The following BCL7A variants were observed in gnomAD, a reference collection of about 807,000 sequenced individuals.
BCL7A encodes the protein B-cell CLL/lymphoma 7 protein family member A.
In BCL7A, 11 loss-of-function variants were observed where a neutral mutation model predicts 28.4. The observed-to-expected ratio is 0.39, with a 90% CI of 0.24 to 0.64. The LOEUF (loss-of-function observed/expected upper bound fraction) is 0.64, where lower values mean the gene tolerates loss of function less well. Ranked by LOEUF, BCL7A falls within the 30% of genes least tolerant of loss-of-function variation. The pLI, the probability that BCL7A is intolerant of heterozygous loss-of-function variation, is 0.50. For missense variants in BCL7A, 222 were observed against 274.8 expected (o/e 0.81, Z 1.36); for synonymous variants, 123 against 103.3 (o/e 1.19, Z -1.15).
intron 3 of BCL7A, among the ~76,000 whole-genome samples, chr12:122,039,319 A>AATAAT (rs1565938392): frequency 6.8e-6 from 1 of 147,312 alleles, no homozygotes; most frequent in African/African-American, 2.5e-5. Flanking sequence ...TTAAAAAAAA[A>AATAAT]AATAATAATA....
chr12:122,047,799 T>G (rs1884107069), intron 4 of BCL7A, among the ~76,000 whole-genome samples: 1 of 151,748 alleles, frequency 6.6e-6, no homozygotes, highest in Non-Finnish European at 1.5e-5. Context: ...GTGCTGAGAT[T>G]ACAGATGTGA....
chr12:122,053,075 C>T (rs189034425), intron 4 of BCL7A, among the ~76,000 whole-genome samples: 140 of 151,836 alleles, frequency 9.2e-4, no homozygotes, highest in Non-Finnish European at 1.3e-3. Flanking sequence ...GGCTCCCAAT[C>T]CAGGAGGTGG....
At chr12:122,023,677 T>A (rs191437798) in intron 1 of BCL7A, among the ~76,000 whole-genome samples, 1 of 152,304 alleles carries the variant, frequency 6.6e-6, no homozygotes, top group African/African-American at 2.4e-5. Flanking sequence ...GTCGTCGGTG[T>A]CTCGGGAGCT....
At chr12:122,024,038 G>T (rs537912090) in intron 1 of BCL7A, among the ~76,000 whole-genome samples, 1 of 152,226 alleles carries the variant, frequency 6.6e-6, no homozygotes. Context: ...CTGCTCTGCA[G>T]GGAGGGCAGA....
chr12:122,028,989 C>CT (rs1159444282), intron 1 of BCL7A, among the ~76,000 whole-genome samples: 7 of 152,158 alleles, frequency 4.6e-5, no homozygotes, highest in African/African-American at 1.7e-4. Context: ...GGCCAGTGGA[C>CT]TTAGACACTC....
intron 1 of BCL7A, among the ~76,000 whole-genome samples, chr12:122,027,752 G>A (rs1851597): frequency 0.052 from 7,898 of 151,064 alleles, 233 homozygotes; most frequent in Middle Eastern, 0.077. Context: ...CAGGAGAATC[G>A]CTTGAACCCG....
chr12:122,032,128 A>C (rs1475659384), intron 2 of BCL7A, among the ~76,000 whole-genome samples: 2 of 152,188 alleles, frequency 1.3e-5, no homozygotes, highest in African/African-American at 4.8e-5. Flanking sequence ...ACAGGGGCTA[A>C]GTTTCTCGCC....
chr12:122,029,631 G>A lies in BCL7A; in HGVS notation c.93-1069G>A, dbSNP rs537317299. 6.6e-6 allele frequency among the ~76,000 whole-genome samples: 1 copy of A among 152,284 alleles called. No homozygotes were observed. Among genetic ancestry groups the A allele is most frequent in the South Asian group, 2.1e-4 (1 of 4,826 alleles). On this transcript the variant is annotated intron_variant, in intron 1 of 5. Coordinates refer to ENST00000261822, the MANE Select transcript of BCL7A (RefSeq NM_001024808.3). This position sits in a 1 kb window ranked among gnomAD's most constrained non-coding sequence, Gnocchi z 4.3. The stretch of plus-strand genomic sequence containing the variant: ...CCTGCTGGGCCCCTTAAATCCGCCA[G>A]CCTCCTAGCTGAGCCATCAGTGGCT...
chr12:122,024,227 C>G (rs572484240), intron 1 of BCL7A, among the ~76,000 whole-genome samples: 2 of 152,352 alleles, frequency 1.3e-5, no homozygotes, highest in East Asian at 1.9e-4. Context: ...GCTTTGGGAT[C>G]TCATGGTCCA....
At chr12:122,049,295 G>T (rs1489724362) in intron 4 of BCL7A, among the ~76,000 whole-genome samples, 1 of 151,392 alleles carries the variant, frequency 6.6e-6, no homozygotes, top group Non-Finnish European at 1.5e-5. Flanking sequence ...GGACCACAGA[G>T]CTCAAAATAG....
rs562398088 is a variant in BCL7A, at chr12:122,021,955, T to TGAGA, written c.-136_-135insAGAG. The TGAGA allele has an allele frequency of 3.7e-5, 22 of 592,680 alleles. No individual in the cohort carries two copies. Among genetic ancestry groups the TGAGA allele is most frequent in the Non-Finnish European group, 6.0e-5 (20 of 332,972 alleles). 36.7% of individuals were successfully genotyped at this position (592,680 alleles called of 1,614,324 possible). A position where few individuals can be genotyped will look rare whatever the true frequency, so the allele number is the denominator to read the frequency against. On this transcript the variant is annotated 5_prime_UTR_variant, in exon 1 of 6. The change abolishes the stop of an existing upstream ORF in the 5' untranslated region. Transcript: ENST00000261822. ...ATGTGTGTGTGTGTGTGTGTGTGTGTGTGAGTGTGTGCGTGTGAGAGTGCG... is the reference window on the plus strand; with the variant it reads ...ATGTGTGTGTGTGTGTGTGTGTGTGTGAGAGTGAGTGTGTGCGTGTGAGAGTGCG...
At chr12:122,030,544 G>A (rs953411441) in intron 1 of BCL7A, among the ~76,000 whole-genome samples, 156 bp from the exon 2 acceptor site, 1 of 152,224 alleles carries the variant, frequency 6.6e-6, no homozygotes, top group African/African-American at 2.4e-5. Flanking sequence ...GATGGGTGAT[G>A]TGGCCTGCCC....
intron 3 of BCL7A, 123 bp from the exon 4 acceptor site, chr12:122,043,763 C>A: frequency 9.7e-7 from 1 of 1,031,556 alleles, no homozygotes; most frequent in Non-Finnish European, 1.4e-6. Context: ...TAACCAGACC[C>A]CTCCCCGGGA....
chr12:122,032,271 C>G (rs1883761446), intron 2 of BCL7A, among the ~76,000 whole-genome samples: 1 of 152,180 alleles, frequency 6.6e-6, no homozygotes, highest in Non-Finnish European at 1.5e-5. Flanking sequence ...GCCTGGGCTC[C>G]CGGAATCACC....
intron 1 of BCL7A, among the ~76,000 whole-genome samples, chr12:122,024,802 T>A (rs2135836776): frequency 6.6e-6 from 1 of 152,322 alleles, no homozygotes; most frequent in African/African-American, 2.4e-5. Context: ...CATTATCTAA[T>A]TTATCTGAAA....
chr12:122,054,808 C>G lies in BCL7A; in HGVS notation c.443C>G (p.Ala148Gly), dbSNP rs1884275402. 3.1e-6 allele frequency: 5 copies of G among 1,613,604 alleles called. No individual in the cohort carries two copies. Among genetic ancestry groups the G allele is most frequent in the African/African-American group, 1.3e-5 (1 of 74,942 alleles). The change falls in exon 5 of 6, where the codon GCT becomes GGT. Residue 148 changes from alanine to glycine, a missense_variant. Coordinates refer to ENST00000261822, the MANE Select transcript of BCL7A (RefSeq NM_001024808.3). ...DGKEHPGAED[A>G]SDEQNSQSSM... ...TGTCGTCTTGCTCTTCCCTCAGATG[C>G]TTCTGATGAGCAGAATTCACAGTCC...
At chr12:122,022,882 C>T (rs1206457161) in intron 1 of BCL7A, among the ~76,000 whole-genome samples, 1 of 152,032 alleles carries the variant, frequency 6.6e-6, no homozygotes, top group Non-Finnish European at 1.5e-5. Context: ...CACGTCCCAC[C>T]CCGCTCTGCG....
chr12:122,036,255 G>A (rs1593026894), intron 3 of BCL7A, among the ~76,000 whole-genome samples: 1 of 152,088 alleles, frequency 6.6e-6, no homozygotes, highest in Non-Finnish European at 1.5e-5. Context: ...ACTTAGCCGG[G>A]TACAGGAAAC....
chr12:122,045,277 A>G (rs1433210729), intron 4 of BCL7A, among the ~76,000 whole-genome samples: 1 of 152,168 alleles, frequency 6.6e-6, no homozygotes, highest in Non-Finnish European at 1.5e-5. Flanking sequence ...GCTAGTCAGG[A>G]GGCTGAGGCA....
Sources: gnomAD v4.1 joint callset for allele counts (sites outside exome capture counted in the v4.1 genomes callset) on GRCh38, gnomAD v4.1.1 for gene constraint, Gnocchi (gnomAD v3.1) non-coding constraint, MANE v1.5 for transcripts, NCBI Gene and HGNC (gene_info 2026-07-23, HGNC 2026-07-21) for gene names.